RBFOX1: variants seen among roughly 807,000 people sequenced by gnomAD.
The protein encoded by RBFOX1 is RNA binding protein fox-1 homolog 1.
Under a neutral mutation model 57.7 loss-of-function variants are expected in RBFOX1, and 8 were observed. The observed-to-expected ratio is 0.14, with a 90% CI of 0.08 to 0.25. The LOEUF is 0.25. RBFOX1 is among the 10% of genes least tolerant of loss of function. The pLI, the probability that RBFOX1 is intolerant of heterozygous loss-of-function variation, is 1.00. For synonymous variants in RBFOX1, 326 were observed against 222.4 expected (o/e 1.47, Z -4.15); for missense variants, 611 against 548.5 (o/e 1.11, Z -1.14).
intron 3 of RBFOX1, among the ~76,000 whole-genome samples, chr16:6,829,922 T>G (rs7404452): frequency 0.42 from 63,056 of 151,562 alleles, 14,239 homozygotes; most frequent in East Asian, 0.79. Flanking sequence ...ATTTTATTTT[T>G]TTTATTTTTT....
chr16:6,849,754 A>G (rs185333452), intron 3 of RBFOX1, among the ~76,000 whole-genome samples: 4 of 152,108 alleles, frequency 2.6e-5, no homozygotes, highest in African/African-American at 4.8e-5. Flanking sequence ...ACATATCCCT[A>G]AGACCCAGTA....
At chr16:6,016,746 G>T (rs980416834), upstream of RBFOX1, among the ~76,000 whole-genome samples, 2 of 152,210 alleles carry the variant, frequency 1.3e-5, no homozygotes, top group African/African-American at 4.8e-5. Context: ...GCCCTAGGTT[G>T]TCCTGGGAGC....
At chr16:5,740,418 A>G (rs1474140124) in intron 3 of RBFOX1, among the ~76,000 whole-genome samples, 1 of 152,192 alleles carries the variant, frequency 6.6e-6, no homozygotes, top group African/African-American at 2.4e-5. Context: ...GCGTATGAAG[A>G]CTTGCATATT....
At chr16:7,326,732 C>T (rs184979316) in intron 4 of RBFOX1, among the ~76,000 whole-genome samples, 142 of 152,012 alleles carry the variant, frequency 9.3e-4, no homozygotes, top group Admixed American at 7.9e-3. Context: ...CATAAAAGGG[C>T]GACAGAGCCC....
chr16:5,734,124 C>G (rs1031966644), intron 3 of RBFOX1, among the ~76,000 whole-genome samples: 1 of 152,156 alleles, frequency 6.6e-6, no homozygotes, highest in African/African-American at 2.4e-5. Context: ...TCATGTTCTT[C>G]TCCTTACCTG....
At chr16:6,813,195 T>C (rs932423139) in intron 3 of RBFOX1, among the ~76,000 whole-genome samples, 2 of 152,120 alleles carry the variant, frequency 1.3e-5, no homozygotes, top group Non-Finnish European at 2.9e-5. Flanking sequence ...AAATTGTGAT[T>C]ATAGCAAGGA....
At chr16:6,641,074 G>A (rs745963148) in intron 2 of RBFOX1, among the ~76,000 whole-genome samples, 9 of 152,318 alleles carry the variant, frequency 5.9e-5, no homozygotes, top group African/African-American at 1.9e-4. Context: ...CTTCACTTCA[G>A]TTGCTTAAAT....
At chr16:7,626,946 C>T (rs1370181029) in intron 10 of RBFOX1, among the ~76,000 whole-genome samples, 2 of 151,986 alleles carry the variant, frequency 1.3e-5, no homozygotes, top group African/African-American at 2.4e-5. Flanking sequence ...GTAGTTCAGA[C>T]GACCAATGTC....
intron 4 of RBFOX1, among the ~76,000 whole-genome samples, chr16:7,227,297 C>CA (rs1363756113): frequency 7.3e-6 from 1 of 136,712 alleles, no homozygotes; most frequent in African/African-American, 2.5e-5. Context: ...CCCACCCCCA[C>CA]ACACACACAC....
chr16:5,578,774 G>A (rs1290038975), intron 2 of RBFOX1, among the ~76,000 whole-genome samples: 1 of 151,708 alleles, frequency 6.6e-6, no homozygotes, highest in Non-Finnish European at 1.5e-5. Flanking sequence ...ATCTCCACCG[G>A]GCCAGGGTGT....
In RBFOX1 at chr16:7,156,023, AC is replaced by A. The variant is rs1416927037; in HGVS notation, c.27+103926del. On this transcript the variant is annotated intron_variant, in intron 4 of 15. Transcript: ENST00000550418. ...TATATCTACACACACACTCACACATACACACACGCACACAGGTATATAGGTA... is the reference window on the plus strand; with the variant it reads ...TATATCTACACACACACTCACACATAACACACGCACACAGGTATATAGGTA... Among the ~76,000 whole-genome samples, 14 of 151,950 alleles carry A rather than the reference AC, an allele frequency of 9.2e-5. No homozygotes were observed. In the East Asian group the frequency reaches 2.7e-3, roughly 30 times the overall value.
chr16:6,297,988 G>A (rs1299126753), intron 1 of RBFOX1, among the ~76,000 whole-genome samples: 1 of 152,172 alleles, frequency 6.6e-6, no homozygotes, highest in African/African-American at 2.4e-5. Flanking sequence ...TTCTTTCGGG[G>A]TGCTGGAGAA....
chr16:6,658,333 C>T (rs1318381636), intron 3 of RBFOX1, among the ~76,000 whole-genome samples: 5 of 151,738 alleles, frequency 3.3e-5, no homozygotes, highest in African/African-American at 9.7e-5. Context: ...CTCCGCCTCC[C>T]GGGTTCAAGC....
intron 1 of RBFOX1, among the ~76,000 whole-genome samples, chr16:5,297,913 G>A (rs980729431): frequency 2.0e-5 from 3 of 152,172 alleles, no homozygotes; most frequent in Admixed American, 1.3e-4. Context: ...AGGTATTAAT[G>A]TCTTTAACAT....
At chr16:6,649,819 A>G (rs951941303) in intron 2 of RBFOX1, among the ~76,000 whole-genome samples, 1 of 152,046 alleles carries the variant, frequency 6.6e-6, no homozygotes, top group Non-Finnish European at 1.5e-5. Context: ...ATATTGGGTA[A>G]GTTTTCTGTT....
intron 3 of RBFOX1, among the ~76,000 whole-genome samples, chr16:6,851,837 G>C (rs142476308): frequency 6.6e-6 from 1 of 152,082 alleles, no homozygotes; most frequent in African/African-American, 2.4e-5. Context: ...ATGATGCCCT[G>C]TGTGCTTGCA....
intron 10 of RBFOX1, among the ~76,000 whole-genome samples, chr16:7,626,598 T>G (rs1047659564): frequency 6.6e-6 from 1 of 152,142 alleles, no homozygotes; most frequent in Non-Finnish European, 1.5e-5. Context: ...GCTGCGCAGG[T>G]TTCTTGTTAG....
intron 4 of RBFOX1, among the ~76,000 whole-genome samples, chr16:7,413,260 A>G (rs190600872): frequency 1.6e-4 from 24 of 152,090 alleles, no homozygotes; most frequent in South Asian, 4.2e-4. Context: ...TTGTGCCTCA[A>G]CACTGATTCT....
intron 4 of RBFOX1, among the ~76,000 whole-genome samples, chr16:7,474,931 G>T (rs745479018): frequency 6.6e-6 from 1 of 152,182 alleles, no homozygotes; most frequent in African/African-American, 2.4e-5. Flanking sequence ...TGGAGTGCCT[G>T]TGTTGGTCAA....
Sources: allele counts gnomAD v4.1 joint callset (sites outside exome capture counted in the v4.1 genomes callset), GRCh38; gene constraint gnomAD v4.1.1; transcripts MANE v1.5; gene names NCBI Gene and HGNC (gene_info 2026-07-23, HGNC 2026-07-21).